TENM3: variants seen among roughly 807,000 people sequenced by gnomAD.
The protein encoded by TENM3 is teneurin-3.
A neutral mutation model predicts 255.1 loss-of-function variants in TENM3; 63 were observed. That is an observed-to-expected ratio of 0.25 (90% CI 0.20 to 0.30). The LOEUF (loss-of-function observed/expected upper bound fraction) is 0.30. Ranked by LOEUF, TENM3 falls within the 10% of genes least tolerant of loss-of-function variation. The pLI is 1.00. For missense variants in TENM3, 2,929 were observed against 3,461.1 expected (o/e 0.85, Z 3.86); for synonymous variants, 1,306 against 1,322.3 (o/e 0.99, Z 0.27).
At chr4:181,638,135 A>C in the TENM3 span, among the ~76,000 whole-genome samples, 2 of 152,226 alleles carry the variant, frequency 1.3e-5, no homozygotes, top group African/African-American at 4.8e-5. Context: ...AAATTGGTTT[A>C]TTCAAAATCA....
At chr4:182,615,701 G>C (rs181051054) in intron 4 of TENM3, among the ~76,000 whole-genome samples, 99 of 148,324 alleles carry the variant, frequency 6.7e-4, no homozygotes, top group Admixed American at 1.5e-3. Context: ...TGAAAGGGAA[G>C]AGTTAAAAAA....
At chr4:182,116,690 C>T in the TENM3 span, among the ~76,000 whole-genome samples, 2 of 152,142 alleles carry the variant, frequency 1.3e-5, no homozygotes, top group South Asian at 2.1e-4. Context: ...TTCACAGCAG[C>T]GTGAGAACAG....
chr4:182,556,400 A>G (rs1004031215), intron 3 of TENM3, among the ~76,000 whole-genome samples: 1 of 152,216 alleles, frequency 6.6e-6, no homozygotes, highest in African/African-American at 2.4e-5. Context: ...TAAACAGACC[A>G]TTCAGGCATA....
the TENM3 span, among the ~76,000 whole-genome samples, chr4:181,487,808 G>A: frequency 6.6e-6 from 1 of 152,050 alleles, no homozygotes; most frequent in East Asian, 1.9e-4. Flanking sequence ...ACCCCTATAT[G>A]CCCCTGCAGG....
chr4:181,609,350 G>A, the TENM3 span, among the ~76,000 whole-genome samples: 3 of 152,112 alleles, frequency 2.0e-5, no homozygotes, highest in South Asian at 2.1e-4. Context: ...CAGTGAAGAG[G>A]GTTTTTTTCC....
chr4:181,553,505 G>T, the TENM3 span, among the ~76,000 whole-genome samples: 2 of 151,808 alleles, frequency 1.3e-5, no homozygotes, highest in Non-Finnish European at 2.9e-5. Context: ...GCAGGGGCGC[G>T]ATCTCGGCTC....
At chr4:182,279,935 C>T (rs1328821775) in intron 1 of TENM3, among the ~76,000 whole-genome samples, 1 of 152,124 alleles carries the variant, frequency 6.6e-6, no homozygotes, top group Non-Finnish European at 1.5e-5. Flanking sequence ...GCCTTGAAAC[C>T]CACACGTTGC....
the TENM3 span, among the ~76,000 whole-genome samples, chr4:181,527,882 T>G: frequency 6.6e-6 from 1 of 152,108 alleles, no homozygotes; most frequent in Non-Finnish European, 1.5e-5. Context: ...TTACCTCTTC[T>G]TTCATTTAAA....
At chr4:182,796,205 G>A (rs1261058824) in intron 26 of TENM3, among the ~76,000 whole-genome samples, 2 of 152,318 alleles carry the variant, frequency 1.3e-5, no homozygotes, top group South Asian at 2.1e-4. Context: ...GTGGAAGTCC[G>A]CATATCCTTG....
chr4:182,244,352 A>T (rs892829524), intron 1 of TENM3, among the ~76,000 whole-genome samples: 7 of 152,092 alleles, frequency 4.6e-5, no homozygotes, highest in African/African-American at 1.7e-4. Flanking sequence ...CTGTGAGCTG[A>T]TTTAGTGTTC....
At chr4:181,779,260 G>GTTATTTATTTAT in the TENM3 span, among the ~76,000 whole-genome samples, 77 of 141,258 alleles carry the variant, frequency 5.5e-4, no homozygotes, top group African/African-American at 1.3e-3. Flanking sequence ...TTTACTTTAA[G>GTTATTTATTTAT]TTATTTATTT....
chr4:182,783,084 T>G (rs1765313197), intron 24 of TENM3, among the ~76,000 whole-genome samples: 1 of 150,648 alleles, frequency 6.6e-6, no homozygotes, highest in Non-Finnish European at 1.5e-5. Flanking sequence ...ATGTGTGAAT[T>G]TGATCCTGTC....
the TENM3 span, among the ~76,000 whole-genome samples, chr4:181,632,800 C>T: frequency 1.5e-4 from 23 of 151,910 alleles, no homozygotes; most frequent in Non-Finnish European, 2.5e-4. Context: ...TAAAGGAGGC[C>T]GTTAAGAATA....
the TENM3 span, among the ~76,000 whole-genome samples, chr4:181,789,260 T>TTA: frequency 0.017 from 2,425 of 141,890 alleles, 51 homozygotes; most frequent in African/African-American, 0.065. Flanking sequence ...TTATTTTATT[T>TTA]ATTTTATTTT....
the TENM3 span, among the ~76,000 whole-genome samples, chr4:181,840,289 C>T: frequency 6.6e-6 from 1 of 152,082 alleles, no homozygotes; most frequent in South Asian, 2.1e-4. Flanking sequence ...ACTTATTTAA[C>T]ATTCTGTGGC....
chr4:182,064,444 G>A, the TENM3 span, among the ~76,000 whole-genome samples: 4 of 152,038 alleles, frequency 2.6e-5, no homozygotes, highest in Admixed American at 6.6e-5. Flanking sequence ...CGGGCGTGGT[G>A]GCGGGCGCCT....
chr4:181,797,022 G>C, the TENM3 span, among the ~76,000 whole-genome samples: 1 of 152,154 alleles, frequency 6.6e-6, no homozygotes, highest in Admixed American at 6.5e-5. Flanking sequence ...CCACAGGCCA[G>C]AGTGTGAGCC....
intron 5 of TENM3, among the ~76,000 whole-genome samples, chr4:182,642,457 C>G (rs931095944): frequency 3.9e-5 from 6 of 152,294 alleles, no homozygotes; most frequent in African/African-American, 1.4e-4. Flanking sequence ...AGGAAACTTT[C>G]AAGTAGAATT....
chr4:182,513,103 G>T (rs1375804027), intron 3 of TENM3, among the ~76,000 whole-genome samples: 1 of 152,296 alleles, frequency 6.6e-6, no homozygotes, highest in East Asian at 1.9e-4. Flanking sequence ...GTGAGGATAG[G>T]ATAGGGTTGC....
Sources: allele counts gnomAD v4.1 joint callset (sites outside exome capture counted in the v4.1 genomes callset), GRCh38; gene constraint gnomAD v4.1.1; transcripts MANE v1.5; gene names NCBI Gene and HGNC (gene_info 2026-07-23, HGNC 2026-07-21).